Variants in HSPA14 observed in about 807,000 individuals in gnomAD.
The protein encoded by HSPA14 is heat shock protein family A (Hsp70) member 14.
A neutral mutation model predicts 65.5 loss-of-function variants in HSPA14; 37 were observed. That is an observed-to-expected ratio of 0.56 (90% CI 0.43 to 0.74). HSPA14 has a LOEUF of 0.74. Ranked by LOEUF, HSPA14 falls within the 30% of genes least tolerant of loss-of-function variation. HSPA14 has a pLI of 0.00. For missense variants in HSPA14, 564 were observed against 607.6 expected, an observed-to-expected ratio of 0.93 and a Z score of 0.75; for synonymous variants, 203 against 214.2, an observed-to-expected ratio of 0.95 and a Z score of 0.46.
chr10:14,857,903 GT>G lies in HSPA14; in HGVS notation c.993+1971del, dbSNP rs112978495. On this transcript the variant is annotated intron_variant, in intron 10 of 13. Coordinates refer to ENST00000378372, the MANE Select transcript of HSPA14 (RefSeq NM_016299.4). Reference sequence around the variant, plus strand: ...GTTTAGTTCAATAAGTATATATTTTGTTTTTTTTTTTAACACTTACAGTGTG... The same window carrying G: ...GTTTAGTTCAATAAGTATATATTTTGTTTTTTTTTTAACACTTACAGTGTG... Among the ~76,000 whole-genome samples the G allele has an allele frequency of 1.7e-4, 24 of 144,588 alleles. No homozygotes were observed. In the South Asian group the frequency reaches 2.2e-3, roughly 13 times the overall value. The allele number at this position is 144,588 out of a possible 152,430, so 94.9% of individuals were successfully genotyped here. A position where few individuals can be genotyped will look rare whatever the true frequency, so the allele number is the denominator to read the frequency against.
chr10:14,842,764 TGAG>T lies in HSPA14; in HGVS notation c.221+2610_221+2612del. ...TCTTGAAAACAGTTAAGGCATCAGATGAGGATTGTCAGCTAAGAATCAGTGACC... is the reference window on the plus strand; with the variant it reads ...TCTTGAAAACAGTTAAGGCATCAGATGATTGTCAGCTAAGAATCAGTGACC... On this transcript the variant is annotated intron_variant, in intron 3 of 13. Coordinates refer to ENST00000378372, the MANE Select transcript of HSPA14 (RefSeq NM_016299.4). This position sits in a 1 kb window ranked among gnomAD's most constrained non-coding sequence, Gnocchi z 5.2. 6.5e-7 allele frequency: 1 copy of T among 1,536,500 alleles called. No individual in the cohort carries two copies. The highest frequency in any genetic ancestry group is 8.7e-7 in the Non-Finnish European group (1 of 1,146,976).
At chr10:14,867,343 T>C (rs775255577) in intron 11 of HSPA14, 48 bp downstream of exon 11, 39 of 1,281,302 alleles carry the variant, frequency 3.0e-5, no homozygotes, top group Middle Eastern at 2.0e-4. Context: ...AGCTTTTCTA[T>C]ACTTTACATA....
Position 14,871,714 on chromosome 10 carries a change from G to A in HSPA14, c.*108G>A. 1.9e-6 allele frequency: 1 copy of A among 534,360 alleles called. No homozygotes were observed. Among genetic ancestry groups the A allele is most frequent in the Non-Finnish European group, 3.3e-6 (1 of 307,056 alleles). The allele number at this position is 534,360 out of a possible 1,614,324, so 33.1% of individuals were successfully genotyped here. ...TTTTTCAATGAACTGTATAAACTATGTTTTATTAAACTACAATATATCAGT... is the reference window on the plus strand; with the variant it reads ...TTTTTCAATGAACTGTATAAACTATATTTTATTAAACTACAATATATCAGT... On this transcript the variant is annotated 3_prime_UTR_variant, in exon 14 of 14. Coordinates refer to ENST00000378372, the MANE Select transcript of HSPA14 (RefSeq NM_016299.4).
intron 3 of HSPA14, chr10:14,843,502 C>G: frequency 6.4e-7 from 1 of 1,550,662 alleles, no homozygotes; most frequent in Non-Finnish European, 8.7e-7. Context: ...CAGCACCAAC[C>G]GCAGCACTCC....
chr10:14,856,528 C>T (rs1419947161), intron 10 of HSPA14, among the ~76,000 whole-genome samples: 1 of 151,684 alleles, frequency 6.6e-6, no homozygotes, highest in Non-Finnish European at 1.5e-5. Context: ...TCTTTTTTTT[C>T]CCCAAAATTA....
At chr10:14,868,074 C>T (rs1189983522) in intron 12 of HSPA14, among the ~76,000 whole-genome samples, 165 bp downstream of exon 12, 1 of 152,116 alleles carries the variant, frequency 6.6e-6, no homozygotes, top group Non-Finnish European at 1.5e-5. Context: ...CCTGTGTACT[C>T]ATTTTTGAAA....
In HSPA14 at chr10:14,842,443, G is replaced by A. The variant is rs1588806237; in HGVS notation, c.221+2286G>A. 6.5e-7 allele frequency: 1 copy of A among 1,536,160 alleles called. No homozygotes were observed. The highest frequency in any genetic ancestry group is 1.4e-5 in the African/African-American group (1 of 73,168). On this transcript the variant is annotated intron_variant, in intron 3 of 13. Transcript: ENST00000378372. This position sits in a 1 kb window ranked among gnomAD's most constrained non-coding sequence, Gnocchi z 5.2. ...CTGTGTCTAAGCGAATGCAGCAGGA[G>A]GGCTTCCGCCGCACCGAACGTCAGT...
intron 12 of HSPA14, among the ~76,000 whole-genome samples, chr10:14,869,581 C>T (rs1167118358): frequency 1.3e-5 from 2 of 152,192 alleles, no homozygotes; most frequent in African/African-American, 4.8e-5. Context: ...AGGCATGAGC[C>T]ACCACGCCTG....
chr10:14,867,005 A>T, intron 10 of HSPA14, 78 bp from the exon 11 acceptor site: 2 of 968,730 alleles, frequency 2.1e-6, no homozygotes, highest in Non-Finnish European at 3.2e-6. Context: ...GATGAAGATG[A>T]CTCAGTCTAT....
At chr10:14,843,630 G>A in intron 3 of HSPA14, 1 of 1,550,430 alleles carries the variant, frequency 6.4e-7, no homozygotes. Flanking sequence ...GAAGAAGGCG[G>A]TCAGTGGCCA....
In HSPA14 at chr10:14,867,856, C is replaced by T; in HGVS notation, c.1327C>T (p.Leu443Phe). 1.2e-6 allele frequency: 2 copies of T among 1,614,102 alleles called. No homozygotes were observed. Among genetic ancestry groups the T allele is most frequent in the Non-Finnish European group, 1.7e-6 (2 of 1,180,006 alleles). ...PGSISSVCLE[L>F]YESDGKNSAK... ...AAGCATATCTTCAGTGTGCCTTGAA[C>T]TCTATGAGTCTGATGGGAAGAACTC... is the stretch of plus-strand genomic sequence containing the variant. The change falls in exon 12 of 14, where the codon CTC becomes TTC. Residue 443 changes from leucine to phenylalanine, a missense_variant. Physicochemically the swap from Leu to Phe is conservative, Grantham distance 22 (BLOSUM62 0). Transcript: ENST00000378372.
At chr10:14,868,482 C>G (rs929008737) in intron 12 of HSPA14, among the ~76,000 whole-genome samples, 1 of 151,860 alleles carries the variant, frequency 6.6e-6, no homozygotes, top group Non-Finnish European at 1.5e-5. Context: ...AGAAACATGT[C>G]TGAGAAATGC....
At chr10:14,839,620 G>A (rs1397774488) in intron 1 of HSPA14, among the ~76,000 whole-genome samples, 1 of 152,034 alleles carries the variant, frequency 6.6e-6, no homozygotes, top group Non-Finnish European at 1.5e-5. Flanking sequence ...AGAGAGGTAG[G>A]AAAGGTAACG....
At position 14,852,540 on chromosome 10, in the gene HSPA14, T is replaced by C. The variant is rs1834116398; in HGVS notation, c.734+9T>C. On this transcript the variant is annotated intron_variant, in intron 8 of 13. Transcript: ENST00000378372. ...GCTTCTGAGTTCCAAAGGTGAGTGT[T>C]AATGGCCTGAATAATACCTTCTGAT... is the stretch of plus-strand genomic sequence containing the variant. The C allele has an allele frequency of 4.4e-6, 7 of 1,605,308 alleles. No individual in the cohort carries two copies. Among genetic ancestry groups the C allele is most frequent in the African/African-American group, 1.3e-5 (1 of 74,692 alleles).
intron 8 of HSPA14, among the ~76,000 whole-genome samples, chr10:14,853,709 T>C (rs1314874504): frequency 6.6e-6 from 1 of 152,168 alleles, no homozygotes; most frequent in Non-Finnish European, 1.5e-5. Flanking sequence ...ATTGTTTCAC[T>C]AATTTATTTT....
rs1034484172 is a variant in HSPA14, at chr10:14,843,833, G to T, written c.221+3676G>T. The stretch of plus-strand genomic sequence containing the variant: ...GCAACAGCAGTGGAAGAGGCAACTG[G>T]TGCTTTTCAGCTAGGCCTTGAAAAA... On this transcript the variant is annotated intron_variant, in intron 3 of 13. Coordinates refer to ENST00000378372, the MANE Select transcript of HSPA14 (RefSeq NM_016299.4). 11 of 1,536,392 alleles carry T rather than the reference G, an allele frequency of 7.2e-6. No individual in the cohort carries two copies. The Admixed American group carries it at 2.2e-4, about 30-fold the overall frequency.
intron 3 of HSPA14, chr10:14,843,765 C>T (rs1834007305): frequency 6.5e-7 from 1 of 1,536,368 alleles, no homozygotes; most frequent in Non-Finnish European, 8.7e-7. Flanking sequence ...AAGATACTGC[C>T]AATGAGCTCC....
At chr10:14,865,142 A>G (rs1379222485) in intron 10 of HSPA14, among the ~76,000 whole-genome samples, 2 of 152,144 alleles carry the variant, frequency 1.3e-5, no homozygotes, top group Admixed American at 6.5e-5. Flanking sequence ...GTCTGTTCAT[A>G]TCCTTCGCCC....
chr10:14,853,634 T>C (rs1834123742), intron 8 of HSPA14, among the ~76,000 whole-genome samples: 1 of 152,210 alleles, frequency 6.6e-6, no homozygotes, highest in African/African-American at 2.4e-5. Flanking sequence ...CCCCTTTAAT[T>C]GCACAGAGTG....
Sources: gnomAD v4.1 joint callset for allele counts (sites outside exome capture counted in the v4.1 genomes callset) on GRCh38, gnomAD v4.1.1 for gene constraint, Gnocchi (gnomAD v3.1) non-coding constraint, MANE v1.5 for transcripts, NCBI Gene and HGNC (gene_info 2026-07-23, HGNC 2026-07-21) for gene names.